The following SORBS2 variants were observed in gnomAD, a reference collection of about 807,000 sequenced individuals.
SORBS2 encodes the protein sorbin and SH3 domain containing 2.
In SORBS2, 46 loss-of-function variants were observed where a neutral mutation model predicts 97.7. That is an observed-to-expected ratio of 0.47 (90% confidence interval 0.37 to 0.60). The LOEUF (loss-of-function observed/expected upper bound fraction) is 0.60. Among genes scored for constraint, SORBS2 ranks in the 20% least tolerant of loss-of-function variants. The probability of loss-of-function intolerance (pLI) is 0.00; values close to 1 mark genes in which losing one functional copy is unlikely to be tolerated. For synonymous variants in SORBS2, 476 were observed against 473.4 expected (o/e 1.01, Z -0.07); for missense variants, 1,316 against 1,282.3 (o/e 1.03, Z -0.40).
At chr4:185,631,449 T>C (rs911064720) in intron 4 of SORBS2, among the ~76,000 whole-genome samples, 1 of 152,172 alleles carries the variant, frequency 6.6e-6, no homozygotes, top group African/African-American at 2.4e-5. Flanking sequence ...GAGGTGACAC[T>C]GTGGTATGAT....
At chr4:185,808,797 C>T (rs1023619881) in intron 1 of SORBS2, among the ~76,000 whole-genome samples, 19 of 152,166 alleles carry the variant, frequency 1.2e-4, no homozygotes, top group Non-Finnish European at 2.8e-4. Context: ...AAGTGTCTTA[C>T]ATTATAATCG....
At chr4:185,693,851 AG>A (rs1434634211) in intron 2 of SORBS2, among the ~76,000 whole-genome samples, 3 of 152,256 alleles carry the variant, frequency 2.0e-5, no homozygotes, top group Non-Finnish European at 4.4e-5. Context: ...ACACTCAAAA[AG>A]TAAAATAGGA....
chr4:185,656,836 A>G, exon 1 of SORBS2: 1 of 1,376,710 alleles, frequency 7.3e-7, no homozygotes, highest in Non-Finnish European at 9.4e-7. Context: ...ACTTTCACTT[A>G]TCATCCCAGG....
chr4:185,774,522 C>A (rs2098990169), intron 2 of SORBS2: 2 of 152,092 alleles, frequency 1.3e-5, no homozygotes, highest in African/African-American at 4.8e-5. Context: ...CGCAAAATGT[C>A]AAGTGCAAGC....
chr4:185,905,585 G>A (rs1370005195), intron 1 of SORBS2, among the ~76,000 whole-genome samples: 2 of 152,144 alleles, frequency 1.3e-5, no homozygotes, highest in Non-Finnish European at 2.9e-5. Context: ...TAACATTTGA[G>A]TTTGAATTAG....
chr4:185,927,169 G>A (rs13126254), intron 1 of SORBS2, among the ~76,000 whole-genome samples: 47,590 of 147,768 alleles, frequency 0.32, 8,296 homozygotes, highest in East Asian at 0.53. Context: ...CATACATAAG[G>A]TATACATATT....
intron 1 of SORBS2, among the ~76,000 whole-genome samples, chr4:185,840,455 C>T (rs937959172): frequency 3.3e-5 from 5 of 152,184 alleles, no homozygotes; most frequent in Non-Finnish European, 4.4e-5. Flanking sequence ...ATAGCTGATC[C>T]ATGACCCTGC....
At chr4:185,639,114 G>C in intron 4 of SORBS2, 79 bp from the exon 14 acceptor site, 1 of 1,309,444 alleles carries the variant, frequency 7.6e-7, no homozygotes, top group East Asian at 3.0e-5. Context: ...CTGGCAGCGC[G>C]CTGTGCCTGC....
At chr4:185,885,179 A>G (rs1432183344) in intron 1 of SORBS2, among the ~76,000 whole-genome samples, 1 of 152,252 alleles carries the variant, frequency 6.6e-6, no homozygotes, top group African/African-American at 2.4e-5. Context: ...GTAAGCTAGA[A>G]GTAAGTGGTC....
Position 185,742,658 on chromosome 4 carries a change from A to G in SORBS2, c.-198+32569T>C, listed in dbSNP as rs552083854. Among the ~76,000 whole-genome samples the G allele has an allele frequency of 9.8e-5, 15 of 152,360 alleles. No individual in the cohort carries two copies. In the South Asian group the frequency reaches 3.1e-3, roughly 32 times the overall value. On this transcript the variant is annotated intron_variant, in intron 2 of 20. Coordinates refer to the SORBS2 transcript ENST00000284776. ...ATTAGCTGTTATCACGGTAACAATA[A>G]AAATAAACTTTTAGCAAAGGTTTTA...
chr4:185,912,055 T>C (rs758346034), intron 1 of SORBS2, among the ~76,000 whole-genome samples: 8 of 152,206 alleles, frequency 5.3e-5, no homozygotes, highest in Admixed American at 3.9e-4. Flanking sequence ...GAGAAAAACA[T>C]TGAAAATAAT....
intron 1 of SORBS2, among the ~76,000 whole-genome samples, chr4:185,834,193 G>T (rs1421837843): frequency 6.6e-6 from 1 of 152,106 alleles, no homozygotes; most frequent in East Asian, 1.9e-4. Flanking sequence ...CATGATGCTG[G>T]CATCTGCTTC....
At chr4:185,685,581 G>C (rs2097941495) in intron 2 of SORBS2, among the ~76,000 whole-genome samples, 1 of 152,030 alleles carries the variant, frequency 6.6e-6, no homozygotes, top group Non-Finnish European at 1.5e-5. Flanking sequence ...ACCCAGGCTG[G>C]AGTGCAGTGG....
chr4:185,723,664 A>G lies in SORBS2; in HGVS notation c.-197-44842T>C, dbSNP rs1251384059. Among the ~76,000 whole-genome samples the G allele has an allele frequency of 2.6e-5, 4 of 152,202 alleles. No individual in the cohort carries two copies. The East Asian group carries it at 7.7e-4, about 29-fold the overall frequency. On this transcript the variant is annotated intron_variant, in intron 2 of 20. Coordinates refer to the SORBS2 transcript ENST00000284776. The stretch of plus-strand genomic sequence containing the variant: ...TTGAGGTAGGGAGTGTGTCTTATCC[A>G]TGCTTGGAAATGTAACAGCTTTTGA...
intron 2 of SORBS2, chr4:185,709,725 C>G (rs2098400923): frequency 6.6e-6 from 1 of 152,036 alleles, no homozygotes; most frequent in Admixed American, 6.5e-5. Flanking sequence ...CCTCCCATCT[C>G]CTCACCTGCC....
chr4:185,629,298 A>G (rs1050527094), intron 5 of SORBS2, among the ~76,000 whole-genome samples: 29 of 152,084 alleles, frequency 1.9e-4, no homozygotes, highest in African/African-American at 6.5e-4. Flanking sequence ...TTAAAACTCT[A>G]AAATTCAAAT....
At chr4:185,829,593 G>A (rs574908932) in intron 1 of SORBS2, among the ~76,000 whole-genome samples, 2 of 152,230 alleles carry the variant, frequency 1.3e-5, no homozygotes, top group African/African-American at 2.4e-5. Context: ...CACAAACCAA[G>A]AGATGACATT....
At position 185,736,295 on chromosome 4, in the gene SORBS2, A is replaced by C. The variant is rs115251502; in HGVS notation, c.-198+38932T>G. Among the ~76,000 whole-genome samples the C allele has an allele frequency of 8.2e-3, 1,247 of 152,376 alleles. 17 individuals are homozygous for C. Among genetic ancestry groups the C allele is most frequent in the African/African-American group, 0.029 (1,205 of 41,592 alleles). Reference sequence around the variant, plus strand: ...TGCAAGCCTGGGCTTCTATTAAAATAAAAAAGTGTGCTTTGCACCTAAGGC... The same window carrying C: ...TGCAAGCCTGGGCTTCTATTAAAATCAAAAAGTGTGCTTTGCACCTAAGGC... On this transcript the variant is annotated intron_variant, in intron 2 of 20. Coordinates refer to the SORBS2 transcript ENST00000284776.
At position 185,907,839 on chromosome 4, in the gene SORBS2, G is replaced by A. The variant is rs192354502; in HGVS notation, c.-338+48357C>T. Among the ~76,000 whole-genome samples, 4 of 152,176 alleles carry A rather than the reference G, an allele frequency of 2.6e-5. No individual in the cohort carries two copies. In the East Asian group the frequency reaches 7.7e-4, roughly 29 times the overall value. On this transcript the variant is annotated intron_variant, in intron 1 of 20. Transcript: ENST00000284776. Reference sequence around the variant, plus strand: ...TTTCCAATCTTCTCCTTGTACAAATGTGCCTTTGGTTTTTAAAGATTCATT... The same window carrying A: ...TTTCCAATCTTCTCCTTGTACAAATATGCCTTTGGTTTTTAAAGATTCATT...
Sources: gnomAD v4.1 joint callset for allele counts (sites outside exome capture counted in the v4.1 genomes callset) on GRCh38, gnomAD v4.1.1 for gene constraint, MANE v1.5 for transcripts, NCBI Gene and HGNC (gene_info 2026-07-23, HGNC 2026-07-21) for gene names.